The following GRM7 variants were observed in gnomAD, a reference collection of about 807,000 sequenced individuals.
GRM7 encodes the protein metabotropic glutamate receptor 7.
A neutral mutation model predicts 84.5 loss-of-function variants in GRM7; 35 were observed. The observed-to-expected ratio is 0.41, with a 90% CI of 0.32 to 0.55. GRM7 has a LOEUF of 0.55. Ranked by LOEUF, GRM7 falls within the 20% of genes least tolerant of loss-of-function variation. The pLI is 0.19. For synonymous variants in GRM7, 487 were observed against 455.1 expected (o/e 1.07, Z -0.89); for missense variants, 1,003 against 1,194.6 (o/e 0.84, Z 2.36).
At chr3:7,656,541 G>A (rs59320647) in intron 8 of GRM7, among the ~76,000 whole-genome samples, 23 of 58,276 alleles carry the variant, frequency 3.9e-4, no homozygotes, top group African/African-American at 2.0e-3. Flanking sequence ...ATATATATAC[G>A]CGCGCGCACA....
intron 2 of GRM7, among the ~76,000 whole-genome samples, chr3:7,259,953 G>GTTTTTTTTTTGTTTTTTTTTTTTTTTTT (rs1553638859): frequency 1.1e-5 from 1 of 89,668 alleles, no homozygotes; most frequent in African/African-American, 5.9e-5. Flanking sequence ...ACCAGCATCT[G>GTTTTTTTTTTGTTTTTTTTTTTTTTTTT]TTTTTTTTTT....
intron 2 of GRM7, among the ~76,000 whole-genome samples, chr3:7,278,338 C>T (rs1699143668): frequency 1.3e-5 from 2 of 151,666 alleles, no homozygotes; most frequent in Admixed American, 1.3e-4. Context: ...TTAAGAAAAC[C>T]CAAACTCTAG....
chr3:7,442,592 A>C (rs1343437533), intron 5 of GRM7, among the ~76,000 whole-genome samples: 1 of 152,188 alleles, frequency 6.6e-6, no homozygotes, highest in Non-Finnish European at 1.5e-5. Context: ...TGTGTGCTTA[A>C]GGAGGTGAAG....
chr3:7,324,959 G>A (rs979215229), intron 4 of GRM7, among the ~76,000 whole-genome samples: 3 of 152,104 alleles, frequency 2.0e-5, no homozygotes, highest in Non-Finnish European at 4.4e-5. Flanking sequence ...CTTTTCCAAC[G>A]TGTAATTTAT....
chr3:6,881,191 T>C (rs1695494619), intron 1 of GRM7, among the ~76,000 whole-genome samples: 1 of 152,166 alleles, frequency 6.6e-6, no homozygotes, highest in Non-Finnish European at 1.5e-5. Context: ...GTTTGTTACA[T>C]GGGTAAATGT....
rs902506444 is a variant in GRM7, at chr3:7,349,877, CT to C, written c.1033+43233del. On this transcript the variant is annotated intron_variant, in intron 4 of 9. Transcript: ENST00000357716. ...TCATATATTAGGTTAGATTCCTCCT[CT>C]TTTTTTTCTTTTCATGAAGCAATTA... 1.1e-3 allele frequency among the ~76,000 whole-genome samples: 163 copies of C among 152,084 alleles called. 2 individuals are homozygous for C. The highest frequency in any genetic ancestry group is 3.7e-3 in the African/African-American group (155 of 41,530).
chr3:7,175,527 G>A (rs1695116528), intron 2 of GRM7, among the ~76,000 whole-genome samples: 1 of 152,144 alleles, frequency 6.6e-6, no homozygotes, highest in Non-Finnish European at 1.5e-5. Context: ...GAATCAACTT[G>A]AAAATTTGCT....
chr3:6,869,415 T>A (rs1695039438), intron 1 of GRM7, among the ~76,000 whole-genome samples: 1 of 152,224 alleles, frequency 6.6e-6, no homozygotes, highest in Non-Finnish European at 1.5e-5. Flanking sequence ...TATGTTAAAG[T>A]TATCAGATGG....
At chr3:7,525,155 A>G (rs963799552) in intron 7 of GRM7, among the ~76,000 whole-genome samples, 38 of 151,690 alleles carry the variant, frequency 2.5e-4, no homozygotes, top group African/African-American at 8.5e-4. Context: ...TAGGAGATAT[A>G]CCTAATGCTA....
At chr3:7,689,567 C>T (rs907675468) in intron 9 of GRM7, among the ~76,000 whole-genome samples, 1 of 152,162 alleles carries the variant, frequency 6.6e-6, no homozygotes, top group African/African-American at 2.4e-5. Context: ...CTTGATATCT[C>T]AGCATATCTT....
intron 1 of GRM7, among the ~76,000 whole-genome samples, chr3:7,132,760 G>T (rs953715543): frequency 6.6e-6 from 1 of 152,148 alleles, no homozygotes; most frequent in Non-Finnish European, 1.5e-5. Flanking sequence ...TGTGCCCAAG[G>T]CTTGCTTGAC....
intron 8 of GRM7, among the ~76,000 whole-genome samples, chr3:7,656,898 G>A (rs1236215696): frequency 6.6e-6 from 1 of 152,122 alleles, no homozygotes; most frequent in East Asian, 1.9e-4. Flanking sequence ...TAGCAATGGG[G>A]GAGGTAAGTG....
At chr3:6,904,740 A>C (rs1028508934) in intron 1 of GRM7, among the ~76,000 whole-genome samples, 3 of 150,966 alleles carry the variant, frequency 2.0e-5, no homozygotes, top group Non-Finnish European at 4.4e-5. Context: ...TTTTCTTTTG[A>C]GATGAGGTCT....
At chr3:7,403,897 G>T (rs920980266) in intron 4 of GRM7, among the ~76,000 whole-genome samples, 1 of 151,606 alleles carries the variant, frequency 6.6e-6, no homozygotes, top group African/African-American at 2.4e-5. Flanking sequence ...CATGTTTCTG[G>T]TACTCCTTGG....
chr3:7,366,266 C>A (rs746665620), intron 4 of GRM7, among the ~76,000 whole-genome samples: 15 of 151,818 alleles, frequency 9.9e-5, no homozygotes, highest in Non-Finnish European at 2.1e-4. Flanking sequence ...GAATTACAAG[C>A]CTGTCTTTAA....
intron 1 of GRM7, among the ~76,000 whole-genome samples, chr3:7,127,109 G>A (rs1200404134): frequency 6.6e-6 from 1 of 152,166 alleles, no homozygotes; most frequent in African/African-American, 2.4e-5. Flanking sequence ...AAAAAGTAAT[G>A]TCAGTTGTAA....
intron 9 of GRM7, among the ~76,000 whole-genome samples, chr3:7,714,704 A>G (rs1191397095): frequency 6.6e-6 from 1 of 152,154 alleles, no homozygotes; most frequent in Non-Finnish European, 1.5e-5. Flanking sequence ...TGTACCAGCC[A>G]AGAGCCCACC....
chr3:7,471,568 C>G (rs1380404728), intron 7 of GRM7, among the ~76,000 whole-genome samples: 1 of 151,968 alleles, frequency 6.6e-6, no homozygotes, highest in Non-Finnish European at 1.5e-5. Flanking sequence ...TTTTTTCTGT[C>G]AATGCATTTG....
chr3:7,233,508 G>T (rs1039762127), intron 2 of GRM7, among the ~76,000 whole-genome samples: 4 of 152,104 alleles, frequency 2.6e-5, no homozygotes, highest in Non-Finnish European at 4.4e-5. Flanking sequence ...TAACTTTGAG[G>T]TTTCTTAAAG....
Sources: allele counts gnomAD v4.1 joint callset (sites outside exome capture counted in the v4.1 genomes callset), GRCh38; gene constraint gnomAD v4.1.1; transcripts MANE v1.5; gene names NCBI Gene and HGNC (gene_info 2026-07-23, HGNC 2026-07-21).